SBNO2: variants seen among roughly 807,000 people sequenced by gnomAD.
SBNO2 encodes the protein strawberry notch homolog 2, also known as protein strawberry notch homolog 2.
In SBNO2, 89 loss-of-function variants were observed where a neutral mutation model predicts 146.3. The ratio of observed to expected loss-of-function variants is 0.61; its 90% CI spans 0.51 to 0.73. The LOEUF (loss-of-function observed/expected upper bound fraction) is 0.73, where lower values mean the gene tolerates loss of function less well. Ranked by LOEUF, SBNO2 falls within the 30% of genes least tolerant of loss-of-function variation. SBNO2 has a pLI of 0.00. For missense variants in SBNO2, 2,092 were observed against 2,003.7 expected (o/e 1.04, Z -0.84); for synonymous variants, 1,147 against 892.6 (o/e 1.29, Z -5.08).
rs933727829 is a variant in SBNO2 at position 1,110,848 on chromosome 19, C to T, written c.2925G>A (p.Leu975=). The T allele has an allele frequency of 3.7e-6, 6 of 1,613,588 alleles. No homozygotes were observed. The highest frequency in any genetic ancestry group is 2.7e-5 in the African/African-American group (2 of 74,896). The change falls in exon 26 of 32, where the codon CTG becomes CTA. Residue 975 remains leucine, a synonymous_variant. Coordinates refer to ENST00000361757, the MANE Select transcript of SBNO2 (RefSeq NM_014963.3). This position sits in a 1 kb window ranked among gnomAD's most constrained non-coding sequence, Gnocchi z 4.9. ...ACAGGGCGTTCTGCTTGTGCACCTCCAGCCCCAGGATGCGGTTCAGGAACT... is the reference window on the plus strand; with the variant it reads ...ACAGGGCGTTCTGCTTGTGCACCTCTAGCCCCAGGATGCGGTTCAGGAACT... ...ITKFLNRILG[L]EVHKQNALFQ...
At chr19:1,166,797 C>T (rs1157548165) in intron 1 of SBNO2, among the ~76,000 whole-genome samples, 1 of 152,186 alleles carries the variant, frequency 6.6e-6, no homozygotes, top group African/African-American at 2.4e-5. Context: ...ATGGAGGTGC[C>T]CTTGTGTGTC....
rs1476032543 is a variant in SBNO2 at position 1,157,887 on chromosome 19, GCT to G, written c.-126-3487_-126-3486del. Among the ~76,000 whole-genome samples, 30 of 124,174 alleles carry G rather than the reference GCT, an allele frequency of 2.4e-4. No homozygotes were observed. The highest frequency in any genetic ancestry group is 6.4e-4 in the African/African-American group (21 of 32,894). 81.5% of individuals were successfully genotyped at this position (124,174 alleles called of 152,430 possible). ...TCCGGGTAACTGCATCTGCCTCCCAGCTCTCTCTCCTGAGTCCGGATAACTGT... is the reference window on the plus strand; with the variant it reads ...TCCGGGTAACTGCATCTGCCTCCCAGCTCTCTCCTGAGTCCGGATAACTGT... On this transcript the variant is annotated intron_variant, in intron 1 of 31. Coordinates refer to ENST00000361757, the MANE Select transcript of SBNO2 (RefSeq NM_014963.3). The surrounding 1 kb of genome is among the most constrained non-coding windows in gnomAD (Gnocchi z 6.8).
rs372598492 is a variant in SBNO2 at position 1,113,065 on chromosome 19, C to T, written c.2248-116G>A. 2.4e-4 allele frequency: 284 copies of T among 1,207,896 alleles called. 2 individuals carry two copies. In the South Asian group the frequency reaches 3.0e-3, roughly 13 times the overall value. The allele number at this position is 1,207,896 out of a possible 1,614,324, so 74.8% of individuals were successfully genotyped here. On this transcript the variant is annotated intron_variant, in intron 19 of 31. Coordinates refer to ENST00000361757, the MANE Select transcript of SBNO2 (RefSeq NM_014963.3). ...GTGGTCATGGGCTCCCAGCTGTGCA[C>T]GGGAGGTGGGGGTGCTGGGAAAGGG... is the stretch of plus-strand genomic sequence containing the variant.
intron 4 of SBNO2, among the ~76,000 whole-genome samples, chr19:1,135,982 T>C (rs1471817511): frequency 2.6e-5 from 4 of 151,932 alleles, no homozygotes; most frequent in Admixed American, 2.6e-4. Context: ...GTGTGTGGCC[T>C]TATTTGGGAA....
chr19:1,155,293 G>A (rs1018686088), intron 1 of SBNO2, among the ~76,000 whole-genome samples: 5 of 152,232 alleles, frequency 3.3e-5, no homozygotes, highest in African/African-American at 7.2e-5. Flanking sequence ...GGAGAGGCAC[G>A]TCTCTGCCCG....
chr19:1,117,967 G>A (rs940935279), intron 14 of SBNO2, among the ~76,000 whole-genome samples: 1 of 152,232 alleles, frequency 6.6e-6, no homozygotes, highest in Non-Finnish European at 1.5e-5. Flanking sequence ...ACCCCAAAGT[G>A]CTCAGGACGG....
chr19:1,162,913 T>C (rs1056027972), intron 1 of SBNO2, among the ~76,000 whole-genome samples: 3 of 152,140 alleles, frequency 2.0e-5, no homozygotes, highest in Admixed American at 6.5e-5. Flanking sequence ...GGAGGGGACG[T>C]TGGGGCTGCA....
In SBNO2 at chr19:1,108,905, G is replaced by A; in HGVS notation, c.3490C>T (p.His1164Tyr). ...AGCAGCGCGCCGCACAGCATGTAGT[G>A]GTGCCGCAGCCGCAGCCCCTGCAGG... ...DCLQGLRLRH[H>Y]YMLCGALLRV... The change falls in exon 31 of 32, where the codon CAC becomes TAC. Residue 1164 changes from histidine (H) to tyrosine (Y), a missense_variant. Transcript: ENST00000361757. The A allele has an allele frequency of 6.3e-7, 1 of 1,582,126 alleles. No homozygotes were observed. Among genetic ancestry groups the A allele is most frequent in the Non-Finnish European group, 8.5e-7 (1 of 1,171,718 alleles).
chr19:1,164,432 G>C lies in SBNO2; in HGVS notation c.-127+9740C>G, dbSNP rs1287070576. ...GGAGGAGGAGGAACAGGAGGAGGAGGAGGAGGAGGAGGAGGAGAAACAGGT... is the reference window on the plus strand; with the variant it reads ...GGAGGAGGAGGAACAGGAGGAGGAGCAGGAGGAGGAGGAGGAGAAACAGGT... On this transcript the variant is annotated intron_variant, in intron 1 of 31. Transcript: ENST00000361757. 1.1e-3 allele frequency among the ~76,000 whole-genome samples: 154 copies of C among 146,366 alleles called. 1 individual carries two copies. The highest frequency in any genetic ancestry group is 3.3e-3 in the African/African-American group (128 of 39,294).
chr19:1,121,022 G>A (rs1339001974), intron 11 of SBNO2, among the ~76,000 whole-genome samples: 2 of 152,184 alleles, frequency 1.3e-5, no homozygotes, highest in Non-Finnish European at 2.9e-5. Context: ...CTCCCGGGTA[G>A]CTGGGATTAC....
chr19:1,147,334 G>A lies in SBNO2; in HGVS notation c.254C>T (p.Pro85Leu). 2 of 1,577,192 alleles carry A rather than the reference G, an allele frequency of 1.3e-6. No homozygotes were observed. The highest frequency in any genetic ancestry group is 1.7e-6 in the Non-Finnish European group (2 of 1,165,006). Residue 85 changes from proline to leucine, a missense_variant, in exon 4 of 32, where the codon CCA (proline) becomes CTA (leucine). Coordinates refer to ENST00000361757, the MANE Select transcript of SBNO2 (RefSeq NM_014963.3). Reference sequence around the variant, plus strand: ...CTGAGCAAAGTCGCAGGTCTTTGGTGGCAAGCTGGAGGCGGTGGCCACGGG... The same window carrying A: ...CTGAGCAAAGTCGCAGGTCTTTGGTAGCAAGCTGGAGGCGGTGGCCACGGG... ...YAPVATASSL[P>L]PKTCDFAQDS...
intron 2 of SBNO2, among the ~76,000 whole-genome samples, chr19:1,152,773 G>C (rs1370808771): frequency 6.6e-6 from 1 of 152,148 alleles, no homozygotes; most frequent in Non-Finnish European, 1.5e-5. Flanking sequence ...CTGGGTGTTG[G>C]GCTAGGGAGT....
chr19:1,171,267 C>G (rs941472398), intron 1 of SBNO2, among the ~76,000 whole-genome samples: 4 of 152,054 alleles, frequency 2.6e-5, no homozygotes, highest in Admixed American at 6.5e-5. Context: ...ACACACAGAA[C>G]GCGCACACGT....
In SBNO2 at chr19:1,108,590, G is replaced by GGGGC; in HGVS notation, c.3727_3730dup (p.Pro1244ArgfsTer129). ...GCCGCAAGGCAGCGCCAGCGGGCGC[G>GGGGC]GGGCGGGCGGGGCGGGGCAGCCCAG... On this transcript the variant is annotated frameshift_variant, in exon 32 of 32. Coordinates refer to ENST00000361757, the MANE Select transcript of SBNO2 (RefSeq NM_014963.3). LOFTEE classifies it low-confidence loss of function (END_TRUNC). The GGGGC allele has an allele frequency of 7.7e-7, 1 of 1,291,140 alleles. No individual in the cohort carries two copies. Among genetic ancestry groups the GGGGC allele is most frequent in the Non-Finnish European group, 9.8e-7 (1 of 1,023,632 alleles). 80.0% of individuals were successfully genotyped at this position (1,291,140 alleles called of 1,614,324 possible).
At chr19:1,133,833 A>G (rs994207850) in intron 4 of SBNO2, among the ~76,000 whole-genome samples, 2 of 152,188 alleles carry the variant, frequency 1.3e-5, no homozygotes, top group African/African-American at 4.8e-5. Flanking sequence ...CACCAGCTCC[A>G]CGCAAAAAAC....
rs1361893532 is a variant in SBNO2, at chr19:1,109,415, A to T, written c.3225T>A (p.Gly1075=). The change falls in exon 29 of 32, where the codon GGT becomes GGA. Residue 1075 remains glycine, a synonymous_variant. Coordinates refer to ENST00000361757, the MANE Select transcript of SBNO2 (RefSeq NM_014963.3). The surrounding 1 kb of genome is among the most constrained non-coding windows in gnomAD (Gnocchi z 4.2). The part of the protein sequence containing the change: ...DGFYLSYKVR[G]NKPSCLLAEQ... ...CCGCCAGCAGGCAGCTGGGCTTGTT[A>T]CCGCGGACCTGCGGAGGGGGGCGTT... 8 of 1,565,190 alleles carry T rather than the reference A, an allele frequency of 5.1e-6. No individual in the cohort carries two copies. Among genetic ancestry groups the T allele is most frequent in the African/African-American group, 1.4e-5 (1 of 73,570 alleles).
At chr19:1,116,145 A>C in intron 16 of SBNO2, 42 bp from the exon 17 acceptor site, 2 of 1,567,314 alleles carry the variant, frequency 1.3e-6, no homozygotes, top group Non-Finnish European at 1.7e-6. Context: ...CGAGGAGCTG[A>C]GGCCAGGCGG....
At position 1,154,153 on chromosome 19, in the gene SBNO2, C is replaced by T. The variant is rs528546608; in HGVS notation, c.93+31G>A. 1.6e-4 allele frequency: 179 copies of T among 1,121,064 alleles called. 4 individuals carry two copies. The South Asian group carries it at 6.6e-3, about 41-fold the overall frequency. The allele number at this position is 1,121,064 out of a possible 1,614,324, so 69.4% of individuals were successfully genotyped here. ...CGGGGCAAGTGCCCGTGGACCCCGT[C>T]GGGTGGGCCGGGGCCGGGGGTGGGG... On this transcript the variant is annotated intron_variant, in intron 2 of 31. Transcript: ENST00000361757.
chr19:1,139,148 C>T (rs903324096), intron 4 of SBNO2, among the ~76,000 whole-genome samples: 3 of 152,244 alleles, frequency 2.0e-5, no homozygotes, highest in Non-Finnish European at 2.9e-5. Context: ...TGCCGGAACA[C>T]GGCTCAGCCA....
Sources: allele counts gnomAD v4.1 joint callset (sites outside exome capture counted in the v4.1 genomes callset), GRCh38; gene constraint gnomAD v4.1.1; non-coding constraint Gnocchi (gnomAD v3.1); transcripts MANE v1.5; gene names NCBI Gene and HGNC (gene_info 2026-07-23, HGNC 2026-07-21).